The following BABAM2 variants were observed in gnomAD, a reference collection of about 807,000 sequenced individuals.
The protein encoded by BABAM2 is BRISC and BRCA1 A complex member 2.
BABAM2 carries 31 observed loss-of-function variants against 54.7 expected under a neutral mutation model. That is an observed-to-expected ratio of 0.57 (90% confidence interval 0.43 to 0.77). The LOEUF (loss-of-function observed/expected upper bound fraction) is 0.77, where lower values mean the gene tolerates loss of function less well. Ranked by LOEUF, BABAM2 falls within the 30% of genes least tolerant of loss-of-function variation. The pLI is 0.00. For synonymous variants in BABAM2, 167 were observed against 162.9 expected, an observed-to-expected ratio of 1.03 and a Z score of -0.19; for missense variants, 364 against 455.8, an observed-to-expected ratio of 0.80 and a Z score of 1.83.
At chr2:28,292,249 G>A (rs1477436845) in intron 10 of BABAM2, among the ~76,000 whole-genome samples, 2 of 152,192 alleles carry the variant, frequency 1.3e-5, no homozygotes, top group African/African-American at 4.8e-5. Flanking sequence ...GACTCCCAGG[G>A]AAGCAATTAT....
At chr2:27,936,204 G>A (rs1387469154) in intron 3 of BABAM2, among the ~76,000 whole-genome samples, 1 of 152,134 alleles carries the variant, frequency 6.6e-6, no homozygotes. Context: ...ACAGGAGTGA[G>A]CCACCATGTC....
chr2:27,902,156 A>G (rs1419321109), intron 2 of BABAM2, among the ~76,000 whole-genome samples: 1 of 152,202 alleles, frequency 6.6e-6, no homozygotes, highest in African/African-American at 2.4e-5. Flanking sequence ...TGTGCACAAG[A>G]AAATATGTAT....
chr2:28,124,730 A>G (rs1669358790), intron 6 of BABAM2, among the ~76,000 whole-genome samples: 4 of 152,206 alleles, frequency 2.6e-5, no homozygotes, highest in South Asian at 2.1e-4. Flanking sequence ...CTCCTCACCC[A>G]GTTAGAAACA....
chr2:28,227,606 A>G (rs151181056), intron 7 of BABAM2, among the ~76,000 whole-genome samples: 3 of 152,240 alleles, frequency 2.0e-5, no homozygotes, highest in Admixed American at 2.0e-4. Flanking sequence ...ACTAGGCCTT[A>G]AGAGCAGACC....
chr2:27,988,000 C>A lies in BABAM2; in HGVS notation c.213C>A (p.Ile71=), dbSNP rs1175773976. ...PYAGETLKWD[I]IFNAQYPELP... is the part of the protein sequence containing the mutation. ...CATTTTCTTTTATTTCAGGGGATATCATTTTCAATGCCCAATACCCAGAAC... is the reference window on the plus strand; with the variant it reads ...CATTTTCTTTTATTTCAGGGGATATAATTTTCAATGCCCAATACCCAGAAC... Residue 71 remains isoleucine (I), a synonymous_variant, in exon 4 of 12, where the codon ATC becomes ATA. Transcript: ENST00000379624. The A allele has an allele frequency of 1.9e-6, 3 of 1,611,116 alleles. No homozygotes were observed. Among genetic ancestry groups the A allele is most frequent in the Admixed American group, 1.7e-5 (1 of 59,976 alleles).
intron 3 of BABAM2, among the ~76,000 whole-genome samples, chr2:27,983,942 C>CTTTTTTGTTTTTTTTTTTTTTT (rs1672198794): frequency 3.2e-5 from 1 of 31,138 alleles, no homozygotes; most frequent in Non-Finnish European, 6.5e-5. Context: ...CATTTTGTAC[C>CTTTTTTGTTTTTTTTTTTTTTT]TTTTTTTTTT....
At chr2:28,241,172 G>T in intron 8 of BABAM2, 151 bp from the exon 9 acceptor site, 1 of 696,624 alleles carries the variant, frequency 1.4e-6, no homozygotes, top group East Asian at 2.7e-5. Context: ...GAAGCAAGTA[G>T]GCACAATAGT....
chr2:28,259,559 GT>G (rs1684312983), intron 10 of BABAM2, among the ~76,000 whole-genome samples: 1 of 152,044 alleles, frequency 6.6e-6, no homozygotes, highest in African/African-American at 2.4e-5. Context: ...ATTTAATTGT[GT>G]CTTTCATAGA....
chr2:28,010,790 C>T (rs1012374208), intron 4 of BABAM2, among the ~76,000 whole-genome samples: 1 of 152,148 alleles, frequency 6.6e-6, no homozygotes, highest in Non-Finnish European at 1.5e-5. Context: ...CTTTTCTTCT[C>T]TGCTCTTCCT....
At chr2:28,028,105 CATT>C (rs1388027292) in intron 5 of BABAM2, among the ~76,000 whole-genome samples, 37 of 152,152 alleles carry the variant, frequency 2.4e-4, no homozygotes, top group Non-Finnish European at 2.9e-5. Flanking sequence ...GAGATGGAGT[CATT>C]ATAAATGCAT....
At chr2:27,945,217 C>CG (rs1669210255) in intron 3 of BABAM2, among the ~76,000 whole-genome samples, 1 of 151,850 alleles carries the variant, frequency 6.6e-6, no homozygotes, top group South Asian at 2.1e-4. Flanking sequence ...TTTGTAGAGA[C>CG]GGGGTTTCAC....
intron 5 of BABAM2, among the ~76,000 whole-genome samples, chr2:28,026,979 A>ATAAATATATAT (rs1558668295): frequency 3.1e-5 from 3 of 96,600 alleles, no homozygotes; most frequent in African/African-American, 1.5e-4. Context: ...TAAATATATA[A>ATAAATATATAT]ATATATATAA....
chr2:28,190,644 G>A (rs1676801287), intron 7 of BABAM2, among the ~76,000 whole-genome samples: 1 of 152,118 alleles, frequency 6.6e-6, no homozygotes, highest in African/African-American at 2.4e-5. Context: ...CCGAGATGGC[G>A]CCATTGCACT....
At chr2:28,091,285 G>A (rs1573558986) in intron 6 of BABAM2, among the ~76,000 whole-genome samples, 1 of 152,188 alleles carries the variant, frequency 6.6e-6, no homozygotes, top group East Asian at 1.9e-4. Context: ...CTTTTAACCA[G>A]ATGGATAGGT....
At chr2:28,112,197 CCCTT>C (rs1215942914) in intron 6 of BABAM2, among the ~76,000 whole-genome samples, 1,539 of 25,362 alleles carry the variant, frequency 0.061, 257 homozygotes, top group East Asian at 0.21. Flanking sequence ...CTCCCTCCCT[CCCTT>C]CCTTCCTTCC....
chr2:28,043,751 G>C (rs1384394790), intron 5 of BABAM2, among the ~76,000 whole-genome samples: 2 of 152,134 alleles, frequency 1.3e-5, no homozygotes, highest in African/African-American at 4.8e-5. Context: ...GGTAATCTTG[G>C]ACTGTAACAG....
At chr2:27,929,042 C>T (rs971587902) in intron 2 of BABAM2, among the ~76,000 whole-genome samples, 1 of 137,046 alleles carries the variant, frequency 7.3e-6, no homozygotes, top group African/African-American at 2.7e-5. Flanking sequence ...ATAGTGAGAC[C>T]TCCTCTCTTA....
chr2:28,199,801 T>G (rs1558429846), intron 7 of BABAM2, among the ~76,000 whole-genome samples: 1 of 152,094 alleles, frequency 6.6e-6, no homozygotes. Flanking sequence ...TGGCCAAAAT[T>G]TAGGAGCCAT....
At chr2:28,203,420 G>A (rs563975651) in intron 7 of BABAM2, among the ~76,000 whole-genome samples, 1 of 152,236 alleles carries the variant, frequency 6.6e-6, no homozygotes, top group East Asian at 1.9e-4. Flanking sequence ...CTACTTTCTT[G>A]TGTGAGGGTG....
Sources: allele counts gnomAD v4.1 joint callset (sites outside exome capture counted in the v4.1 genomes callset), GRCh38; gene constraint gnomAD v4.1.1; transcripts MANE v1.5; gene names NCBI Gene and HGNC (gene_info 2026-07-23, HGNC 2026-07-21).